The following TM7SF3 variants were observed in gnomAD, a reference collection of about 807,000 sequenced individuals.
TM7SF3 encodes seven span transmembrane protein.
TM7SF3 carries 60 observed loss-of-function variants against 65.5 expected under a neutral mutation model. That is an observed-to-expected ratio of 0.92 (90% CI 0.74 to 1.14). The LOEUF (loss-of-function observed/expected upper bound fraction) is 1.14, where lower values mean the gene tolerates loss of function less well. Among genes scored for constraint, TM7SF3 ranks in the 50% most tolerant of loss-of-function variants. The probability of loss-of-function intolerance (pLI) is 0.00; values close to 1 mark genes in which losing one functional copy is unlikely to be tolerated. For synonymous variants in TM7SF3, 264 were observed against 259.6 expected, an observed-to-expected ratio of 1.02 and a Z score of -0.16; for missense variants, 623 against 684.8, an observed-to-expected ratio of 0.91 and a Z score of 1.01.
chr12:27,002,061 C>G (rs988309548), intron 2 of TM7SF3, among the ~76,000 whole-genome samples: 1 of 152,136 alleles, frequency 6.6e-6, no homozygotes, highest in Non-Finnish European at 1.5e-5. Flanking sequence ...CACGCACACA[C>G]GTGCACAACC....
chr12:26,988,836 C>T (rs919912226), intron 6 of TM7SF3, among the ~76,000 whole-genome samples: 1 of 151,982 alleles, frequency 6.6e-6, no homozygotes, highest in Non-Finnish European at 1.5e-5. Context: ...CCTCCCCTTC[C>T]ACCTCTGCCA....
Position 26,973,868 on chromosome 12 carries a change from A to T in TM7SF3, c.*97T>A. The T allele has an allele frequency of 6.9e-7, 1 of 1,441,846 alleles. No homozygotes were observed. The highest frequency in any genetic ancestry group is 9.4e-7 in the Non-Finnish European group (1 of 1,068,992). The allele number at this position is 1,441,846 out of a possible 1,614,324, so 89.3% of individuals were successfully genotyped here. On this transcript the variant is annotated 3_prime_UTR_variant, in exon 12 of 12. Coordinates refer to ENST00000343028, the MANE Select transcript of TM7SF3 (RefSeq NM_016551.3). ...ATAATATTATGCAAAGAACAGATAT[A>T]TATGCCTGATCTCTTATTAGACTTG...
At chr12:27,006,344 G>A (rs749990369) in intron 1 of TM7SF3, among the ~76,000 whole-genome samples, 5 of 151,354 alleles carry the variant, frequency 3.3e-5, no homozygotes, top group Non-Finnish European at 7.4e-5. Flanking sequence ...TCACTATGTT[G>A]GCCAGGCTGG....
At chr12:26,996,365 TTAC>T (rs1940597383) in intron 4 of TM7SF3, among the ~76,000 whole-genome samples, 1 of 152,188 alleles carries the variant, frequency 6.6e-6, no homozygotes. Flanking sequence ...TTAGCTATCA[TTAC>T]TATTAAAGCA....
At chr12:27,009,226 T>C (rs988292646) in intron 1 of TM7SF3, among the ~76,000 whole-genome samples, 28 of 152,336 alleles carry the variant, frequency 1.8e-4, no homozygotes, top group African/African-American at 6.5e-4. Flanking sequence ...TGACTATTTC[T>C]GATCCTTTAC....
chr12:26,999,783 G>C, intron 2 of TM7SF3, 107 bp from the exon 3 acceptor site: 9 of 1,018,130 alleles, frequency 8.8e-6, no homozygotes, highest in African/African-American at 1.7e-5. Flanking sequence ...AAAACAAATA[G>C]AAAAAAAAAA....
Position 27,014,268 on chromosome 12 carries a change from GC to G in TM7SF3, c.-101del. On this transcript the variant is annotated 5_prime_UTR_variant, in exon 1 of 12. It removes an upstream start codon present in the reference 5' UTR. Coordinates refer to ENST00000343028, the MANE Select transcript of TM7SF3 (RefSeq NM_016551.3). ...TCGCCCACGCTATCCCGGGGCGCCC[GC>G]ATCGGGCGCCATCGCCCGCCAGGTG... 9.0e-7 allele frequency: 1 copy of G among 1,113,214 alleles called. No individual in the cohort carries two copies. Among genetic ancestry groups the G allele is most frequent in the Non-Finnish European group, 1.2e-6 (1 of 823,854 alleles). The allele number at this position is 1,113,214 out of a possible 1,614,324, so 69.0% of individuals were successfully genotyped here.
intron 1 of TM7SF3, among the ~76,000 whole-genome samples, chr12:27,004,260 C>A (rs551424263): frequency 6.6e-6 from 1 of 152,182 alleles, no homozygotes; most frequent in East Asian, 1.9e-4. Flanking sequence ...TACTCCTGTG[C>A]GGTCCTGGAT....
At position 27,014,262 on chromosome 12, in the gene TM7SF3, G is replaced by C; in HGVS notation, c.-94C>G. The stretch of plus-strand genomic sequence containing the variant: ...GCAGCCTCGCCCACGCTATCCCGGG[G>C]CGCCCGCATCGGGCGCCATCGCCCG... On this transcript the variant is annotated 5_prime_UTR_variant, in exon 1 of 12. Transcript: ENST00000343028. 8.2e-7 allele frequency: 1 copy of C among 1,222,514 alleles called. No individual in the cohort carries two copies. Among genetic ancestry groups the C allele is most frequent in the Middle Eastern group, 2.9e-4 (1 of 3,492 alleles). The allele number at this position is 1,222,514 out of a possible 1,614,324, so 75.7% of individuals were successfully genotyped here.
Position 26,974,004 on chromosome 12 carries a change from C to T in TM7SF3, c.1674G>A (p.Lys558=). ...RLTQIKGLFQ[K]EQPAGERTPL... is the part of the protein sequence containing the mutation. ...GCGTTCTCTCTCCAGCTGGCTGCTCCTTCTGGAAGAGCCCTTTAATCTGGG... is the reference window on the plus strand; with the variant it reads ...GCGTTCTCTCTCCAGCTGGCTGCTCTTTCTGGAAGAGCCCTTTAATCTGGG... The change falls in exon 12 of 12, where the codon AAG becomes AAA. Residue 558 remains lysine (K), a synonymous_variant. Coordinates refer to ENST00000343028, the MANE Select transcript of TM7SF3 (RefSeq NM_016551.3). 1 of 1,614,228 alleles carries T rather than the reference C, an allele frequency of 6.2e-7. No homozygotes were observed.
At chr12:27,009,984 C>T (rs976749118) in intron 1 of TM7SF3, among the ~76,000 whole-genome samples, 1 of 152,150 alleles carries the variant, frequency 6.6e-6, no homozygotes, top group African/African-American at 2.4e-5. Flanking sequence ...TGATTCCTGG[C>T]TGTGCAGGAT....
intron 6 of TM7SF3, among the ~76,000 whole-genome samples, chr12:26,989,247 C>T (rs1350806149): frequency 2.0e-4 from 30 of 152,028 alleles, no homozygotes. Flanking sequence ...ACCAGCCTGG[C>T]CAACATGGTG....
chr12:26,990,027 T>G (rs1282440772), intron 6 of TM7SF3, among the ~76,000 whole-genome samples: 1 of 152,116 alleles, frequency 6.6e-6, no homozygotes, highest in Non-Finnish European at 1.5e-5. Context: ...CTTCACACCC[T>G]CAGACAGGCT....
chr12:27,014,127 G>A lies in TM7SF3; in HGVS notation c.42C>T (p.Ser14=), dbSNP rs1941351297. Residue 14 remains serine (S), a synonymous_variant, in exon 1 of 12, where the codon TCC becomes TCT. Transcript: ENST00000343028. ...CGGCTGCACCAGCCACCCGGTGTTC[G>A]GATGCCAGCACCGCTACGACCAGCA... ...LQLLVVAVLA[S]EHRVAGAAEV... 1 of 1,570,926 alleles carries A rather than the reference G, an allele frequency of 6.4e-7. No homozygotes were observed. Among genetic ancestry groups the A allele is most frequent in the Non-Finnish European group, 8.6e-7 (1 of 1,158,086 alleles).
chr12:26,979,942 CAAAG>C lies in TM7SF3; in HGVS notation c.1037-10_1037-7del. On this transcript the variant is annotated splice_polypyrimidine_tract_variant and splice_region_variant and intron_variant, in intron 8 of 11. Coordinates refer to ENST00000343028, the MANE Select transcript of TM7SF3 (RefSeq NM_016551.3). ...AGCTGTCAGAATCAGATTCACTGTACAAAGAGAGAGGATGAACTGCTGGATAACC... is the reference window on the plus strand; with the variant it reads ...AGCTGTCAGAATCAGATTCACTGTACAGAGAGGATGAACTGCTGGATAACC... 1 of 1,614,054 alleles carries C rather than the reference CAAAG, an allele frequency of 6.2e-7. No homozygotes were observed. Among genetic ancestry groups the C allele is most frequent in the Non-Finnish European group, 8.5e-7 (1 of 1,179,998 alleles).
At chr12:27,004,423 A>G (rs1940952981) in intron 1 of TM7SF3, among the ~76,000 whole-genome samples, 1 of 152,266 alleles carries the variant, frequency 6.6e-6, no homozygotes, top group Non-Finnish European at 1.5e-5. Context: ...TGATGAAAAA[A>G]GATTATAATT....
At chr12:27,008,709 G>A (rs954010088) in intron 1 of TM7SF3, among the ~76,000 whole-genome samples, 4 of 152,200 alleles carry the variant, frequency 2.6e-5, no homozygotes, top group South Asian at 4.1e-4. Context: ...TAAGATAGAG[G>A]TCACAGTTCA....
At chr12:26,997,495 T>C (rs1302543728) in intron 3 of TM7SF3, among the ~76,000 whole-genome samples, 3 of 152,252 alleles carry the variant, frequency 2.0e-5, no homozygotes, top group Non-Finnish European at 4.4e-5. Flanking sequence ...TAATTTTTCT[T>C]TGTACACTGT....
In TM7SF3 at chr12:26,990,461, C is replaced by A. The variant is rs1177487913; in HGVS notation, c.857G>T (p.Cys286Phe). 6.2e-7 allele frequency: 1 copy of A among 1,613,024 alleles called. No homozygotes were observed. The highest frequency in any genetic ancestry group is 8.5e-7 in the Non-Finnish European group (1 of 1,179,212). Residue 286 changes from cysteine to phenylalanine, a missense_variant, in exon 6 of 12, where the codon TGT (cysteine) becomes TTT (phenylalanine). By Grantham distance (205) the Cys-to-Phe change is radical. Coordinates refer to ENST00000343028, the MANE Select transcript of TM7SF3 (RefSeq NM_016551.3). The part of the protein sequence containing the change: ...ACSFEAGEGS[C>F]ASLGRVSSKV... The stretch of plus-strand genomic sequence containing the variant: ...AGCCACATACTCACCTAGGGAAGCA[C>A]AACTACCCTCTCCTGCCTCAAAGCT...
Sources: gnomAD v4.1 joint callset for allele counts (sites outside exome capture counted in the v4.1 genomes callset) on GRCh38, gnomAD v4.1.1 for gene constraint, MANE v1.5 for transcripts, NCBI Gene and HGNC (gene_info 2026-07-23, HGNC 2026-07-21) for gene names.